ARIH1: variants seen among roughly 807,000 people sequenced by gnomAD.
ARIH1 encodes E3 ubiquitin-protein ligase ARIH1.
ARIH1 carries 8 observed loss-of-function variants against 85.0 expected under a neutral mutation model. That is an observed-to-expected ratio of 0.09 (90% CI 0.06 to 0.17). ARIH1 has a LOEUF of 0.17. Ranked by LOEUF, ARIH1 falls within the 10% of genes least tolerant of loss-of-function variation. The probability of loss-of-function intolerance (pLI) is 1.00; values close to 1 mark genes in which losing one functional copy is unlikely to be tolerated. For synonymous variants in ARIH1, 238 were observed against 253.6 expected (o/e 0.94, Z 0.59); for missense variants, 311 against 718.1 (o/e 0.43, Z 6.48).
In ARIH1 at chr15:72,561,529, A is replaced by G. The variant is rs1461577237; in HGVS notation, c.784A>G (p.Ile262Val). The change falls in exon 6 of 14, where the codon ATA (isoleucine) becomes GTA (valine). Residue 262 changes from isoleucine to valine, a missense_variant. Physicochemically the swap from Ile to Val is conservative, Grantham distance 29 (BLOSUM62 3). Coordinates refer to ENST00000379887, the MANE Select transcript of ARIH1 (RefSeq NM_005744.5). ...AGTTAAATTAAAGTATCAGCATTTA[A>G]TAACAAATAGCTTTGTAGAGGTAAG... The part of the protein sequence containing the change: ...SKVKLKYQHL[I>V]TNSFVECNRL... 2 of 1,595,388 alleles carry G rather than the reference A, an allele frequency of 1.3e-6. No homozygotes were observed. Among genetic ancestry groups the G allele is most frequent in the East Asian group, 2.3e-5 (1 of 44,330 alleles).
chr15:72,499,115 G>A (rs906437921), intron 1 of ARIH1, among the ~76,000 whole-genome samples: 1 of 151,008 alleles, frequency 6.6e-6, no homozygotes, highest in Admixed American at 6.6e-5. Flanking sequence ...TGAGTAGCTG[G>A]GAGGCGCACG....
intron 5 of ARIH1, among the ~76,000 whole-genome samples, chr15:72,556,404 AC>A (rs2064174730): frequency 6.6e-6 from 1 of 152,148 alleles, no homozygotes; most frequent in Non-Finnish European, 1.5e-5. Flanking sequence ...ATAGAGGAAT[AC>A]CTCAATAAGT....
chr15:72,534,959 C>CCTTTTTTTTTTTTTTTTT, intron 2 of ARIH1, among the ~76,000 whole-genome samples: 1 of 73,806 alleles, frequency 1.4e-5, no homozygotes, highest in South Asian at 1.0e-3. Context: ...TGTCTGTATT[C>CCTTTTTTTTTTTTTTTTT]TTTTTTTTTT....
intron 1 of ARIH1, among the ~76,000 whole-genome samples, chr15:72,509,262 T>C (rs2063940062): frequency 6.6e-6 from 1 of 152,154 alleles, no homozygotes; most frequent in Non-Finnish European, 1.5e-5. Flanking sequence ...AGTGGTGGGA[T>C]TACAGGTGTG....
chr15:72,563,137 A>G (rs1338765211), intron 6 of ARIH1, among the ~76,000 whole-genome samples: 1 of 152,158 alleles, frequency 6.6e-6, no homozygotes, highest in Non-Finnish European at 1.5e-5. Flanking sequence ...TGCAGCCTCT[A>G]CTTCCTGGGC....
intron 1 of ARIH1, among the ~76,000 whole-genome samples, chr15:72,486,636 C>T (rs998189046): frequency 6.8e-6 from 1 of 147,990 alleles, no homozygotes; most frequent in Non-Finnish European, 1.5e-5. Context: ...CTAACATCTG[C>T]TCTGGCAAAT....
At chr15:72,497,070 C>T (rs1264251133) in intron 1 of ARIH1, among the ~76,000 whole-genome samples, 2 of 152,210 alleles carry the variant, frequency 1.3e-5, no homozygotes, top group Non-Finnish European at 2.9e-5. Flanking sequence ...GCCTACTTGG[C>T]ACTTAGGCAA....
At chr15:72,578,258 A>G (rs1595874962) in intron 11 of ARIH1, among the ~76,000 whole-genome samples, 1 of 152,256 alleles carries the variant, frequency 6.6e-6, no homozygotes, top group East Asian at 1.9e-4. Context: ...AGTTTTCTCT[A>G]CCAGGAGTTT....
At chr15:72,519,466 G>GTTTTTTTTGT (rs2063989139) in intron 2 of ARIH1, among the ~76,000 whole-genome samples, 1 of 103,966 alleles carries the variant, frequency 9.6e-6, no homozygotes, top group African/African-American at 3.8e-5. Flanking sequence ...TTCTGACCAT[G>GTTTTTTTTGT]TTTTTTTTGT....
At position 72,592,581 on chromosome 15, in the gene ARIH1, C is replaced by A. The variant is rs1377209363; in HGVS notation, c.*9289C>A. 6.6e-6 allele frequency: 1 copy of A among 152,152 alleles called. No homozygotes were observed. Among genetic ancestry groups the A allele is most frequent in the Non-Finnish European group, 1.5e-5 (1 of 68,028 alleles). 9.4% of individuals were successfully genotyped at this position (152,152 alleles called of 1,614,324 possible). ...AGTACTTTTAAATCACCCCTGAGCA[C>A]CTCCCCACTCCAGTGATCACTTCTT... On this transcript the variant is annotated 3_prime_UTR_variant, in exon 14 of 14. Transcript: ENST00000379887.
rs572800584 is a variant in ARIH1, at chr15:72,588,498, C to T, written c.*5206C>T. ...TACGCATTCTCACCCCTAATTCCAG[C>T]CGGTGATTCTCACATGCAGACTAGG... On this transcript the variant is annotated 3_prime_UTR_variant, in exon 14 of 14. Transcript: ENST00000379887. The T allele has an allele frequency of 2.1e-4, 32 of 152,318 alleles. No individual in the cohort carries two copies. The highest frequency in any genetic ancestry group is 7.7e-4 in the African/African-American group (32 of 41,568). 9.4% of individuals were successfully genotyped at this position (152,318 alleles called of 1,614,324 possible). A position where few individuals can be genotyped will look rare whatever the true frequency, so the allele number is the denominator to read the frequency against.
At chr15:72,495,833 T>C (rs745666519) in intron 1 of ARIH1, among the ~76,000 whole-genome samples, 15 of 152,302 alleles carry the variant, frequency 9.8e-5, no homozygotes, top group African/African-American at 3.6e-4. Flanking sequence ...AAAATAGCTT[T>C]TAGAAGCTTA....
chr15:72,484,285 A>G (rs1222816663), intron 1 of ARIH1, among the ~76,000 whole-genome samples: 1 of 152,020 alleles, frequency 6.6e-6, no homozygotes, highest in Non-Finnish European at 1.5e-5. Flanking sequence ...TTATTTCCCT[A>G]GGTTATTGGG....
intron 5 of ARIH1, among the ~76,000 whole-genome samples, chr15:72,556,981 G>A (rs981572968): frequency 1.3e-5 from 2 of 152,138 alleles, no homozygotes; most frequent in Non-Finnish European, 2.9e-5. Flanking sequence ...GGGCATCTAG[G>A]TTGATTTCGT....
rs2064312331 is a variant in ARIH1, at chr15:72,585,514, A to G, written c.*2222A>G. 1 of 151,768 alleles carries G rather than the reference A, an allele frequency of 6.6e-6. No individual in the cohort carries two copies. The highest frequency in any genetic ancestry group is 2.4e-5 in the African/African-American group (1 of 41,182). 9.4% of individuals were successfully genotyped at this position (151,768 alleles called of 1,614,324 possible). Reference sequence around the variant, plus strand: ...GTGGCTCCTTTAAAATGCTTTGTGTATGTGTGGTGTTTAAAAAAAAAAAAT... The same window carrying G: ...GTGGCTCCTTTAAAATGCTTTGTGTGTGTGTGGTGTTTAAAAAAAAAAAAT... On this transcript the variant is annotated 3_prime_UTR_variant, in exon 14 of 14. Coordinates refer to ENST00000379887, the MANE Select transcript of ARIH1 (RefSeq NM_005744.5).
chr15:72,587,541 T>G lies in ARIH1; in HGVS notation c.*4249T>G, dbSNP rs1419263205. 1 of 241,388 alleles carries G rather than the reference T, an allele frequency of 4.1e-6. No individual in the cohort carries two copies. The highest frequency in any genetic ancestry group is 8.2e-6 in the Non-Finnish European group (1 of 122,486). The allele number at this position is 241,388 out of a possible 1,614,324, so 15.0% of individuals were successfully genotyped here. A position where few individuals can be genotyped will look rare whatever the true frequency, so the allele number is the denominator to read the frequency against. On this transcript the variant is annotated 3_prime_UTR_variant, in exon 14 of 14. Transcript: ENST00000379887. ...AGAATTTTGGATAGTCTGCAGGAAATTGTTACAGGATGCACAGAACATCCC... is the reference window on the plus strand; with the variant it reads ...AGAATTTTGGATAGTCTGCAGGAAAGTGTTACAGGATGCACAGAACATCCC...
chr15:72,478,014 C>T (rs2063801389), intron 1 of ARIH1, among the ~76,000 whole-genome samples: 1 of 152,198 alleles, frequency 6.6e-6, no homozygotes. Flanking sequence ...CCATGTTCAT[C>T]ATGCTGGTAC....
chr15:72,521,865 A>G (rs2140413064), intron 2 of ARIH1, among the ~76,000 whole-genome samples: 1 of 152,208 alleles, frequency 6.6e-6, no homozygotes, highest in Middle Eastern at 3.4e-3. Flanking sequence ...CTAACTTTCT[A>G]AAAAATACTT....
At chr15:72,529,518 A>G (rs1235342547) in intron 2 of ARIH1, among the ~76,000 whole-genome samples, 2 of 152,214 alleles carry the variant, frequency 1.3e-5, no homozygotes, top group Non-Finnish European at 2.9e-5. Flanking sequence ...AATTTTTTAA[A>G]TATCAGCTAT....
Sources: gnomAD v4.1 joint callset for allele counts (sites outside exome capture counted in the v4.1 genomes callset) on GRCh38, gnomAD v4.1.1 for gene constraint, MANE v1.5 for transcripts, NCBI Gene and HGNC (gene_info 2026-07-23, HGNC 2026-07-21) for gene names.